The following PTPRN2 variants were observed in gnomAD, a reference collection of about 807,000 sequenced individuals.
PTPRN2 encodes receptor-type tyrosine-protein phosphatase N2.
PTPRN2 carries 74 observed loss-of-function variants against 118.8 expected under a neutral mutation model. The ratio of observed to expected loss-of-function variants is 0.62; its 90% CI spans 0.52 to 0.76. PTPRN2 has a LOEUF of 0.76. Among genes scored for constraint, PTPRN2 ranks in the 30% least tolerant of loss-of-function variants. The pLI is 0.00. For synonymous variants in PTPRN2, 641 were observed against 608.0 expected (o/e 1.05, Z -0.80); for missense variants, 1,481 against 1,394.4 (o/e 1.06, Z -0.99).
intron 9 of PTPRN2, among the ~76,000 whole-genome samples, chr7:158,125,850 G>A (rs1282235671): frequency 6.6e-6 from 1 of 152,168 alleles, no homozygotes; most frequent in Non-Finnish European, 1.5e-5. Flanking sequence ...TAACAAGGAA[G>A]GACGAGCAGG....
chr7:158,035,758 T>A (rs147116216), intron 11 of PTPRN2, among the ~76,000 whole-genome samples: 8 of 152,312 alleles, frequency 5.3e-5, no homozygotes, highest in African/African-American at 1.9e-4. Context: ...CATAACACAT[T>A]GATTTGAATT....
In PTPRN2 at chr7:157,682,760, C is replaced by T. The variant is rs1469815066; in HGVS notation, c.1966G>A (p.Gly656Ser). 6.2e-7 allele frequency: 1 copy of T among 1,613,894 alleles called. No homozygotes were observed. Among genetic ancestry groups the T allele is most frequent in the Non-Finnish European group, 8.5e-7 (1 of 1,180,050 alleles). The change falls in exon 13 of 23, where the codon GGC (glycine) becomes AGC (serine). Residue 656 changes from glycine (G) to serine (S), a missense_variant. Transcript: ENST00000389418. ...RLKEKLSGLG[G>S]DPGADATAAY... ...GCAGTGGCATCTGCACCTGGGTCGC[C>T]CCCTAGTCCCGAGAGCTTCTCCTTC...
At chr7:158,197,648 A>G (rs886092578) in intron 4 of PTPRN2, among the ~76,000 whole-genome samples, 17 of 152,328 alleles carry the variant, frequency 1.1e-4, no homozygotes, top group Non-Finnish European at 1.9e-4. Context: ...TCAGTTCAGC[A>G]TGGCTGGGGA....
At chr7:158,461,614 C>T (rs1818993919) in intron 2 of PTPRN2, among the ~76,000 whole-genome samples, 1 of 152,096 alleles carries the variant, frequency 6.6e-6, no homozygotes, top group East Asian at 1.9e-4. Flanking sequence ...CGTACTTTTT[C>T]CAAAGCACTC....
chr7:157,559,477 G>A (rs1227640355), intron 21 of PTPRN2, among the ~76,000 whole-genome samples: 3 of 152,170 alleles, frequency 2.0e-5, no homozygotes, highest in East Asian at 1.9e-4. Flanking sequence ...GGGTGGGAGC[G>A]AGAGCAGAGG....
At position 157,893,105 on chromosome 7, in the gene PTPRN2, G is replaced by A. The variant is rs902643238; in HGVS notation, c.1788+5568C>T. Among the ~76,000 whole-genome samples the A allele has an allele frequency of 3.9e-5, 6 of 152,244 alleles. No homozygotes were observed. Among genetic ancestry groups the A allele is most frequent in the African/African-American group, 7.2e-5 (3 of 41,462 alleles). On this transcript the variant is annotated intron_variant, in intron 12 of 22. Coordinates refer to ENST00000389418, the MANE Select transcript of PTPRN2 (RefSeq NM_002847.5). This position sits in a 1 kb window ranked among gnomAD's most constrained non-coding sequence, Gnocchi z 4.0. ...GCTGGTCTCCAGCATTTGGTGGAACGAGAACAAAGAAATGTCTGGAGAAGG... is the reference window on the plus strand; with the variant it reads ...GCTGGTCTCCAGCATTTGGTGGAACAAGAACAAAGAAATGTCTGGAGAAGG...
chr7:158,200,018 A>G (rs2150730654), intron 4 of PTPRN2, among the ~76,000 whole-genome samples: 2 of 152,322 alleles, frequency 1.3e-5, no homozygotes, highest in Middle Eastern at 6.8e-3. Flanking sequence ...CGAATACTAA[A>G]GAAGAGGCAA....
At chr7:158,089,637 CTT>C (rs1813854497) in intron 10 of PTPRN2, among the ~76,000 whole-genome samples, 1 of 127,990 alleles carries the variant, frequency 7.8e-6, no homozygotes. Flanking sequence ...TCACACAAAC[CTT>C]CTTCCCCTGA....
intron 1 of PTPRN2, among the ~76,000 whole-genome samples, chr7:158,550,100 G>A (rs1826548676): frequency 6.6e-6 from 1 of 152,226 alleles, no homozygotes; most frequent in Non-Finnish European, 1.5e-5. Flanking sequence ...GCCTCGTTCT[G>A]AAAATGAAAG....
intron 2 of PTPRN2, among the ~76,000 whole-genome samples, chr7:158,473,523 G>A (rs1007529511): frequency 3.3e-5 from 5 of 152,090 alleles, no homozygotes; most frequent in Non-Finnish European, 7.3e-5. Context: ...CCTCTCCCTC[G>A]TCCATAATTT....
chr7:157,655,187 G>A (rs1410118486), intron 14 of PTPRN2, among the ~76,000 whole-genome samples: 1 of 152,202 alleles, frequency 6.6e-6, no homozygotes, highest in Non-Finnish European at 1.5e-5. Context: ...CTCAGCTCAG[G>A]GATCGGGAAA....
intron 6 of PTPRN2, among the ~76,000 whole-genome samples, chr7:158,141,340 C>T (rs566877853): frequency 2.6e-5 from 4 of 152,356 alleles, no homozygotes; most frequent in Admixed American, 1.3e-4. Flanking sequence ...GTGGCACCCC[C>T]GTTCACTCAG....
intron 11 of PTPRN2, among the ~76,000 whole-genome samples, chr7:157,999,707 G>A (rs1398790024): frequency 1.3e-5 from 2 of 152,096 alleles, no homozygotes; most frequent in Non-Finnish European, 2.9e-5. Flanking sequence ...AACGAGTTCC[G>A]TAACTGGAAA....
At chr7:157,783,127 T>A (rs1803787469) in intron 12 of PTPRN2, among the ~76,000 whole-genome samples, 1 of 152,202 alleles carries the variant, frequency 6.6e-6, no homozygotes, top group Non-Finnish European at 1.5e-5. Flanking sequence ...AAGAAGAACA[T>A]GTTTGCTTCC....
At chr7:158,499,815 A>G (rs1822221672) in intron 1 of PTPRN2, among the ~76,000 whole-genome samples, 1 of 146,402 alleles carries the variant, frequency 6.8e-6, no homozygotes, top group African/African-American at 2.5e-5. Flanking sequence ...GTGTATATAT[A>G]TATATACACA....
rs147580918 is a variant in PTPRN2, at chr7:157,595,510, C to T, written c.2419-195G>A. Among the ~76,000 whole-genome samples, 5,152 of 107,334 alleles carry T rather than the reference C, an allele frequency of 0.048. 269 individuals carry two copies. Among genetic ancestry groups the T allele is most frequent in the East Asian group, 0.15 (669 of 4,414 alleles). 70.4% of individuals were successfully genotyped at this position (107,334 alleles called of 152,430 possible). A position where few individuals can be genotyped will look rare whatever the true frequency, so the allele number is the denominator to read the frequency against. ...TAGGAAGCCTGGTGTTTAGGAAGCCCGGAGGTTAGGAAGCCAGAAGGTTAG... is the reference window on the plus strand; with the variant it reads ...TAGGAAGCCTGGTGTTTAGGAAGCCTGGAGGTTAGGAAGCCAGAAGGTTAG... On this transcript the variant is annotated intron_variant, in intron 16 of 22. Transcript: ENST00000389418.
intron 21 of PTPRN2, among the ~76,000 whole-genome samples, chr7:157,555,087 AC>A (rs935940577): frequency 4.0e-5 from 6 of 150,128 alleles, no homozygotes; most frequent in African/African-American, 1.5e-4. Context: ...GTGTTAGTGG[AC>A]CAGGGAGGCA....
intron 2 of PTPRN2, among the ~76,000 whole-genome samples, chr7:158,466,422 T>C (rs1368527781): frequency 6.6e-6 from 1 of 152,224 alleles, no homozygotes; most frequent in African/African-American, 2.4e-5. Context: ...AGTATCTGCC[T>C]TTCTGTGCCT....
intron 6 of PTPRN2, among the ~76,000 whole-genome samples, chr7:158,155,581 C>CACCATCATCGCCATCATT (rs1563529226): frequency 1.6e-4 from 8 of 48,540 alleles, no homozygotes; most frequent in East Asian, 7.4e-4. Flanking sequence ...TCATCACCAT[C>CACCATCATCGCCATCATT]ACCATCATCA....
Sources: gnomAD v4.1 joint callset for allele counts (sites outside exome capture counted in the v4.1 genomes callset) on GRCh38, gnomAD v4.1.1 for gene constraint, Gnocchi (gnomAD v3.1) non-coding constraint, MANE v1.5 for transcripts, NCBI Gene and HGNC (gene_info 2026-07-23, HGNC 2026-07-21) for gene names.